Variants in SLCO4A1 observed in about 807,000 individuals in gnomAD.
SLCO4A1 encodes solute carrier organic anion transporter family member 4A1.
SLCO4A1 carries 51 observed loss-of-function variants against 64.6 expected under a neutral mutation model. That is an observed-to-expected ratio of 0.79 (90% CI 0.63 to 1.00). SLCO4A1 has a LOEUF of 1.00. SLCO4A1 is among the 50% of genes least tolerant of loss of function. SLCO4A1 has a pLI of 0.00. For missense variants in SLCO4A1, 919 were observed against 980.5 expected (o/e 0.94, Z 0.84); for synonymous variants, 471 against 444.9 (o/e 1.06, Z -0.74).
At chr20:62,668,677 CTAACTGTCCACTAG>C in intron 10 of SLCO4A1, 136 bp downstream of exon 10, 1 of 914,170 alleles carries the variant, frequency 1.1e-6, no homozygotes, top group Non-Finnish European at 1.8e-6. Flanking sequence ...GGTCCATTCC[CTAACTGTCCACTAG>C]AGGGGCCCAT....
intron 2 of SLCO4A1, among the ~76,000 whole-genome samples, chr20:62,657,959 C>A (rs1984043531): frequency 6.6e-6 from 1 of 152,200 alleles, no homozygotes; most frequent in Non-Finnish European, 1.5e-5. Flanking sequence ...AGCCCTGGGC[C>A]CCTCACTGGC....
At chr20:62,669,327 C>T (rs1169442018) in intron 11 of SLCO4A1, among the ~76,000 whole-genome samples, 1 of 152,234 alleles carries the variant, frequency 6.6e-6, no homozygotes, top group Non-Finnish European at 1.5e-5. Flanking sequence ...CAGGCCCAGG[C>T]CCTGCTCCCT....
chr20:62,689,051 C>T (rs951352220), downstream of SLCO4A1, among the ~76,000 whole-genome samples: 7 of 152,338 alleles, frequency 4.6e-5, no homozygotes, highest in Non-Finnish European at 7.3e-5. Context: ...TGGCCGGAGG[C>T]GCCCCATTCT....
rs761345945 is a variant in SLCO4A1 at position 62,658,658 on chromosome 20, G to A, written c.797-19G>A. 8 of 1,600,302 alleles carry A rather than the reference G, an allele frequency of 5.0e-6. No homozygotes were observed. Among genetic ancestry groups the A allele is most frequent in the South Asian group, 4.5e-5 (4 of 89,136 alleles). The stretch of plus-strand genomic sequence containing the variant: ...CTGGGTGGTGCACAGCGGCCCTGAC[G>A]CCTCTGCCTCTCTCGCAGCCATCTT... On this transcript the variant is annotated intron_variant, in intron 2 of 11. Transcript: ENST00000217159.
At position 62,672,069 on chromosome 20, in the gene SLCO4A1, G is replaced by A; in HGVS notation, c.*176G>A. On this transcript the variant is annotated 3_prime_UTR_variant, in exon 12 of 12. Transcript: ENST00000217159. The stretch of plus-strand genomic sequence containing the variant: ...CCCCAGAGCTGTACGGCCCTGCAGT[G>A]GGTGGGAGGAACTTGCATAAATATA... 5 of 1,487,770 alleles carry A rather than the reference G, an allele frequency of 3.4e-6. No individual in the cohort carries two copies. The highest frequency in any genetic ancestry group is 4.5e-6 in the Non-Finnish European group (5 of 1,120,820). 92.2% of individuals were successfully genotyped at this position (1,487,770 alleles called of 1,614,324 possible).
At chr20:62,655,672 C>T (rs1407910628) in intron 1 of SLCO4A1, among the ~76,000 whole-genome samples, 3 of 152,172 alleles carry the variant, frequency 2.0e-5, no homozygotes, top group African/African-American at 4.8e-5. Flanking sequence ...CCGACTGCAA[C>T]TCCTGTTAGC....
At position 62,678,396 on chromosome 20, in the gene SLCO4A1, G is replaced by A. The variant is rs79487252; in HGVS notation, n.212-7045G>A. Among the ~76,000 whole-genome samples the A allele has an allele frequency of 2.2e-3, 341 of 152,220 alleles. 1 individual carries two copies. The highest frequency in any genetic ancestry group is 7.9e-3 in the African/African-American group (328 of 41,534). On this transcript the variant is annotated intron_variant and non_coding_transcript_variant, in intron 2 of 2. Coordinates refer to the SLCO4A1 transcript ENST00000466818. Reference sequence around the variant, plus strand: ...GGTAGACGTGGAGAGCAATACGGCCGCTCGGGAACCCAGCTCGACAGTTTA... The same window carrying A: ...GGTAGACGTGGAGAGCAATACGGCCACTCGGGAACCCAGCTCGACAGTTTA...
In SLCO4A1 at chr20:62,668,128, C is replaced by T. The variant is rs576768070; in HGVS notation, c.1755C>T (p.Phe585=). 1.8e-4 allele frequency: 297 copies of T among 1,614,002 alleles called. No homozygotes were observed. The South Asian group carries it at 3.1e-3, about 17-fold the overall frequency. The change falls in exon 9 of 12, where the codon TTC becomes TTT. Residue 585 remains phenylalanine, a synonymous_variant. Transcript: ENST00000217159. ...AGCCCCTCCTTCTGGTTTTCATATTCGTTGTAATTTTCTTTACATTCCTCA... is the reference window on the plus strand; with the variant it reads ...AGCCCCTCCTTCTGGTTTTCATATTTGTTGTAATTTTCTTTACATTCCTCA... ...QRKPLLLVFI[F]VVIFFTFLSS...
intron 2 of SLCO4A1, among the ~76,000 whole-genome samples, chr20:62,678,737 G>T (rs774429857): frequency 6.1e-5 from 6 of 98,442 alleles, no homozygotes; most frequent in Non-Finnish European, 1.2e-4. Flanking sequence ...AGCCGTGAGA[G>T]GGGGGCACTG....
intron 2 of SLCO4A1, among the ~76,000 whole-genome samples, chr20:62,677,569 A>G (rs1265737145): frequency 6.6e-6 from 1 of 152,048 alleles, no homozygotes; most frequent in African/African-American, 2.4e-5. Context: ...CCCACTGAGC[A>G]GAGGATGGCA....
At position 62,656,756 on chromosome 20, in the gene SLCO4A1, C is replaced by T. The variant is rs982827950; in HGVS notation, c.302C>T (p.Thr101Met). The T allele has an allele frequency of 8.2e-5, 132 of 1,612,436 alleles. No homozygotes were observed. Among genetic ancestry groups the T allele is most frequent in the Non-Finnish European group, 1.0e-4 (123 of 1,179,786 alleles). ...FAPPCLQVLN[T>M]PKGILFFLCA... ...CCGCCGTGCCTGCAGGTCCTCAACACGCCCAAGGGCATCCTGTTCTTCCTG... is the reference window on the plus strand; with the variant it reads ...CCGCCGTGCCTGCAGGTCCTCAACATGCCCAAGGGCATCCTGTTCTTCCTG... Residue 101 changes from threonine to methionine, a missense_variant, in exon 2 of 12, where the codon ACG (threonine) becomes ATG (methionine). By Grantham distance (81) the Thr-to-Met change is moderately conservative. Transcript: ENST00000217159.
rs902925459 is a variant in SLCO4A1 at position 62,645,774 on chromosome 20, C to G, written c.-97+3221C>G. 6.6e-6 allele frequency among the ~76,000 whole-genome samples: 1 copy of G among 151,956 alleles called. No homozygotes were observed. Among genetic ancestry groups the G allele is most frequent in the Non-Finnish European group, 1.5e-5 (1 of 67,984 alleles). On this transcript the variant is annotated intron_variant, in intron 1 of 11. Transcript: ENST00000217159. This position sits in a 1 kb window ranked among gnomAD's most constrained non-coding sequence, Gnocchi z 4.2. ...TGCCAGAGAGCCCAGATTCCTCTCC[C>G]TCCCACGCGCAGCCAGGCCCTTCCT...
rs961566119 is a variant in SLCO4A1, at chr20:62,654,112, C to G, written c.-96-2247C>G. On this transcript the variant is annotated intron_variant, in intron 1 of 11. Transcript: ENST00000217159. ...CAAAGTCCACACAGGCTGTGCTCCC[C>G]CTGGGGCTCTGAGGAGGGTCCTTCC... Among the ~76,000 whole-genome samples, 4 of 152,288 alleles carry G rather than the reference C, an allele frequency of 2.6e-5. No individual in the cohort carries two copies. The South Asian group carries it at 8.3e-4, about 32-fold the overall frequency.
intron 2 of SLCO4A1, among the ~76,000 whole-genome samples, chr20:62,681,633 C>T (rs900212050): frequency 1.6e-4 from 24 of 152,150 alleles, no homozygotes; most frequent in African/African-American, 5.3e-4. Flanking sequence ...TGACTGTGCT[C>T]GAATATCCAT....
chr20:62,676,465 G>A (rs1193400431), downstream of SLCO4A1, among the ~76,000 whole-genome samples: 1 of 152,128 alleles, frequency 6.6e-6, no homozygotes, highest in Non-Finnish European at 1.5e-5. Context: ...ATGAAAGGAT[G>A]ATCCAATTTA....
intron 1 of SLCO4A1, among the ~76,000 whole-genome samples, chr20:62,653,038 C>A (rs1354268008): frequency 6.6e-6 from 1 of 152,270 alleles, no homozygotes; most frequent in Non-Finnish European, 1.5e-5. Flanking sequence ...TCTTCCCCTA[C>A]TGTGAGGCCT....
intron 1 of SLCO4A1, among the ~76,000 whole-genome samples, chr20:62,652,717 A>G (rs1569121989): frequency 6.6e-6 from 1 of 151,866 alleles, no homozygotes; most frequent in Non-Finnish European, 1.5e-5. Flanking sequence ...GCTCGTGGAT[A>G]GGTGTTGGCA....
Position 62,654,531 on chromosome 20 carries a change from G to A in SLCO4A1, c.-96-1828G>A, listed in dbSNP as rs115014371. On this transcript the variant is annotated intron_variant, in intron 1 of 11. Transcript: ENST00000217159. ...GCATCTCCGTGCATCTCTGCGCGTC[G>A]CCGGCTGTGGCTGGAAGGAGACCCC... 5.1e-3 allele frequency among the ~76,000 whole-genome samples: 774 copies of A among 152,310 alleles called. 7 individuals carry two copies. The highest frequency in any genetic ancestry group is 0.018 in the African/African-American group (735 of 41,574).
chr20:62,647,326 GC>G (rs1476469254), intron 1 of SLCO4A1, among the ~76,000 whole-genome samples: 2 of 152,178 alleles, frequency 1.3e-5, no homozygotes, highest in African/African-American at 2.4e-5. Flanking sequence ...TGGGTGCAGG[GC>G]AGGCATGTGG....
Sources: gnomAD v4.1 joint callset for allele counts (sites outside exome capture counted in the v4.1 genomes callset) on GRCh38, gnomAD v4.1.1 for gene constraint, Gnocchi (gnomAD v3.1) non-coding constraint, MANE v1.5 for transcripts, NCBI Gene and HGNC (gene_info 2026-07-23, HGNC 2026-07-21) for gene names.